PGLYRP3: variants seen among roughly 807,000 people sequenced by gnomAD.
PGLYRP3 encodes peptidoglycan recognition protein 3, also known as peptidoglycan recognition protein I alpha.
PGLYRP3 carries 39 observed loss-of-function variants against 36.0 expected under a neutral mutation model. That is an observed-to-expected ratio of 1.08 (90% CI 0.84 to 1.41). The LOEUF is 1.41. PGLYRP3 is among the 40% of genes most tolerant of loss of function. The probability of loss-of-function intolerance (pLI) is 0.00; values close to 1 mark genes in which losing one functional copy is unlikely to be tolerated. For synonymous variants in PGLYRP3, 204 were observed against 172.8 expected (o/e 1.18, Z -1.42); for missense variants, 407 against 427.9 (o/e 0.95, Z 0.43).
At position 153,307,234 on chromosome 1, in the gene PGLYRP3, C is replaced by T. The variant is rs779510247; in HGVS notation, c.89G>A (p.Gly30Glu). 1.7e-5 allele frequency: 28 copies of T among 1,609,336 alleles called. No homozygotes were observed. The highest frequency in any genetic ancestry group is 1.7e-5 in the Admixed American group (1 of 59,440). Residue 30 changes from glycine (G) to glutamate (E), a missense_variant, in exon 3 of 8, where the codon GGG (glycine) becomes GAG (glutamate). By Grantham distance (98) the Gly-to-Glu change is moderately conservative. Coordinates refer to ENST00000683862, the MANE Select transcript of PGLYRP3 (RefSeq NM_052891.3). ...GGCCCTGCAGGCGAGCGGTCTTGCC[C>T]CCCACTCCTTGCGGGAGACGATGGT... ...TPTIVSRKEWGARPLACRALL... is the reference protein window; with the variant it reads ...TPTIVSRKEWEARPLACRALL...
At chr1:153,307,368 C>T (rs1659771355) in intron 2 of PGLYRP3, 101 bp from the exon 3 acceptor site, 1 of 1,163,822 alleles carries the variant, frequency 8.6e-7, no homozygotes, top group East Asian at 2.6e-5. Context: ...CCCGACCTGC[C>T]CCATGCATGG....
chr1:153,310,676 G>T lies in PGLYRP3; in HGVS notation c.-11C>A. ...TGGCAGCGTCCCCATGTGGTCCCAG[G>T]ACTCTGACCGGGAGAGTGTGGACGG... On this transcript the variant is annotated 5_prime_UTR_variant, in exon 2 of 8. Transcript: ENST00000683862. 6.2e-7 allele frequency: 1 copy of T among 1,613,800 alleles called. No individual in the cohort carries two copies. Among genetic ancestry groups the T allele is most frequent in the Non-Finnish European group, 8.5e-7 (1 of 1,179,748 alleles).
intron 1 of PGLYRP3, among the ~76,000 whole-genome samples, 173 bp downstream of exon 1, chr1:153,312,470 T>G (rs936678846): frequency 6.6e-6 from 1 of 151,968 alleles, no homozygotes; most frequent in African/African-American, 2.4e-5. Context: ...TTAGAAGAAT[T>G]TAGAATGAAG....
chr1:153,297,773 G>A lies in PGLYRP3; in HGVS notation c.*183C>T. ...AACTCAGACCAAGAGGGCTGTGAATGCCCAGCTGTGAGGTTTGGGGGCTCC... is the reference window on the plus strand; with the variant it reads ...AACTCAGACCAAGAGGGCTGTGAATACCCAGCTGTGAGGTTTGGGGGCTCC... On this transcript the variant is annotated 3_prime_UTR_variant, in exon 8 of 8. Coordinates refer to ENST00000683862, the MANE Select transcript of PGLYRP3 (RefSeq NM_052891.3). The A allele has an allele frequency of 1.6e-6, 1 of 631,356 alleles. No individual in the cohort carries two copies. Among genetic ancestry groups the A allele is most frequent in the Non-Finnish European group, 2.7e-6 (1 of 372,276 alleles). The allele number at this position is 631,356 out of a possible 1,614,324, so 39.1% of individuals were successfully genotyped here. A position where few individuals can be genotyped will look rare whatever the true frequency, so the allele number is the denominator to read the frequency against.
intron 6 of PGLYRP3, among the ~76,000 whole-genome samples, chr1:153,301,514 A>T (rs547916629): frequency 5.6e-4 from 85 of 152,358 alleles, no homozygotes; most frequent in Admixed American, 4.2e-3. Context: ...GGCATTTTCC[A>T]TGTGGAATTT....
rs761479671 is a variant in PGLYRP3 at position 153,302,535 on chromosome 1, G to T, written c.602C>A (p.Ala201Asp). The T allele has an allele frequency of 3.1e-6, 5 of 1,614,086 alleles. No individual in the cohort carries two copies. The highest frequency in any genetic ancestry group is 2.2e-5 in the East Asian group (1 of 44,898). Residue 201 changes from alanine (A) to aspartate (D), a missense_variant, in exon 6 of 8, where the codon GCC becomes GAC. By Grantham distance (126) the Ala-to-Asp change is moderately radical. Coordinates refer to ENST00000683862, the MANE Select transcript of PGLYRP3 (RefSeq NM_052891.3). ...ETHCPKMNLPAKYVIIIHTAG... is the reference protein window; with the variant it reads ...ETHCPKMNLPDKYVIIIHTAG... ...GGTGTGGATGATGATGACATATTTG[G>T]CTGGGAGGTTCATTTTAGGGCAGTG... is the stretch of plus-strand genomic sequence containing the variant.
chr1:153,310,496 G>T, intron 2 of PGLYRP3, 115 bp downstream of exon 2: 2 of 1,089,108 alleles, frequency 1.8e-6, no homozygotes, highest in East Asian at 2.4e-5. Context: ...AAATTGCAAA[G>T]CTACACTATC....
Position 153,299,116 on chromosome 1 carries a change from C to A in PGLYRP3, c.844G>T (p.Val282Leu), listed in dbSNP as rs775644628. 1 of 1,613,806 alleles carries A rather than the reference C, an allele frequency of 6.2e-7. No homozygotes were observed. Among genetic ancestry groups the A allele is most frequent in the East Asian group, 2.2e-5 (1 of 44,888 alleles). Residue 282 changes from valine (V) to leucine (L), a missense_variant, in exon 7 of 8, where the codon GTA (valine) becomes TTA (leucine). By Grantham distance (32) the Val-to-Leu change is conservative. Transcript: ENST00000683862. ...CTACCCCATGCTCACCCCTTACCTACAAAGTAGCCGATGAAGGCAATTCCT... is the reference window on the plus strand; with the variant it reads ...CTACCCCATGCTCACCCCTTACCTAAAAAGTAGCCGATGAAGGCAATTCCT... ...ALGIAFIGYF[V>L]EKPPNAAALE...
rs201770309 is a variant in PGLYRP3, at chr1:153,307,072, G to T, written c.251C>A (p.Ala84Glu). The T allele has an allele frequency of 3.7e-6, 6 of 1,613,374 alleles. No homozygotes were observed. The highest frequency in any genetic ancestry group is 5.1e-6 in the Non-Finnish European group (6 of 1,179,760). ...GACTTGGCTAGCCTCTTACTTGTAC[G>T]CCACGTCGCACCAGCCTATGGTGTA... ...SVYTIGWCDV[A>E]YNFLVGDDGR... is the part of the protein sequence containing the mutation. The change falls in exon 3 of 8, where the codon GCG (alanine) becomes GAG (glutamate). Residue 84 changes from alanine to glutamate, a missense_variant. Coordinates refer to ENST00000683862, the MANE Select transcript of PGLYRP3 (RefSeq NM_052891.3).
In PGLYRP3 at chr1:153,310,704, G is replaced by T; in HGVS notation, c.-39C>A. The T allele has an allele frequency of 5.0e-6, 8 of 1,585,884 alleles. No individual in the cohort carries two copies. The highest frequency in any genetic ancestry group is 6.9e-6 in the Non-Finnish European group (8 of 1,155,610). On this transcript the variant is annotated splice_region_variant and 5_prime_UTR_variant, in exon 2 of 8. It adds an upstream start codon to the 5' untranslated region. Transcript: ENST00000683862. ...TCTGACCGGGAGAGTGTGGACGGCAGCCCTGGAAGAGAGGCTAACAGTTAA... is the reference window on the plus strand; with the variant it reads ...TCTGACCGGGAGAGTGTGGACGGCATCCCTGGAAGAGAGGCTAACAGTTAA...
chr1:153,307,362 A>T, intron 2 of PGLYRP3, 95 bp from the exon 3 acceptor site: 1 of 1,230,932 alleles, frequency 8.1e-7, no homozygotes, highest in Non-Finnish European at 1.1e-6. Context: ...CTCAGGCCCG[A>T]CCTGCCCCAT....
At chr1:153,298,500 A>G (rs1398263493) in intron 7 of PGLYRP3, among the ~76,000 whole-genome samples, 1 of 152,086 alleles carries the variant, frequency 6.6e-6, no homozygotes, top group East Asian at 1.9e-4. Flanking sequence ...TAAAAATACA[A>G]AAAAATTAGC....
intron 1 of PGLYRP3, among the ~76,000 whole-genome samples, chr1:153,311,258 G>A (rs751083421): frequency 2.0e-5 from 3 of 152,136 alleles, no homozygotes; most frequent in Non-Finnish European, 2.9e-5. Flanking sequence ...TCTTTAGTGA[G>A]AATCATAATA....
Position 153,310,711 on chromosome 1 carries a change from A to T in PGLYRP3, c.-41-5T>A. 1 of 1,548,372 alleles carries T rather than the reference A, an allele frequency of 6.5e-7. No homozygotes were observed. Among genetic ancestry groups the T allele is most frequent in the South Asian group, 1.1e-5 (1 of 89,632 alleles). ...GGGAGAGTGTGGACGGCAGCCCTGG[A>T]AGAGAGGCTAACAGTTAACACAACC... On this transcript the variant is annotated splice_region_variant and splice_polypyrimidine_tract_variant and intron_variant, in intron 1 of 7. Coordinates refer to ENST00000683862, the MANE Select transcript of PGLYRP3 (RefSeq NM_052891.3).
rs2101523010 is a variant in PGLYRP3 at position 153,307,170 on chromosome 1, C to T, written c.153G>A (p.Gln51=). 6.2e-7 allele frequency: 1 copy of T among 1,612,038 alleles called. No individual in the cohort carries two copies. The highest frequency in any genetic ancestry group is 2.2e-5 in the East Asian group (1 of 44,836). Reference sequence around the variant, plus strand: ...GCTGCTGGCACTGCATCCCTGGGAGCTGGTCTGTGATGATGTAGGCCACAG... The same window carrying T: ...GCTGCTGGCACTGCATCCCTGGGAGTTGGTCTGTGATGATGTAGGCCACAG... The part of the protein sequence containing the change: ...TLPVAYIITD[Q]LPGMQCQQQS... Residue 51 remains glutamine (Q), a synonymous_variant, in exon 3 of 8, where the codon CAG becomes CAA. Coordinates refer to ENST00000683862, the MANE Select transcript of PGLYRP3 (RefSeq NM_052891.3).
At chr1:153,305,086 AT>A (rs1659706244) in intron 3 of PGLYRP3, 21 bp from the exon 4 acceptor site, 1 of 1,584,996 alleles carries the variant, frequency 6.3e-7, no homozygotes, top group Non-Finnish European at 8.6e-7. Flanking sequence ...GGAAATAATG[AT>A]TTTACTGCAA....
At chr1:153,299,415 T>C (rs1186542023) in intron 6 of PGLYRP3, among the ~76,000 whole-genome samples, 184 bp from the exon 7 acceptor site, 1 of 152,170 alleles carries the variant, frequency 6.6e-6, no homozygotes, top group Non-Finnish European at 1.5e-5. Context: ...CACAGTCCAC[T>C]TCAACCTGGC....
intron 6 of PGLYRP3, among the ~76,000 whole-genome samples, chr1:153,302,005 TAGC>T (rs1289042515): frequency 6.6e-6 from 1 of 152,198 alleles, no homozygotes; most frequent in Non-Finnish European, 1.5e-5. Flanking sequence ...ACCAGAGGAA[TAGC>T]AGGATTCTAA....
intron 2 of PGLYRP3, 53 bp downstream of exon 2, chr1:153,310,558 C>G (rs201683514): frequency 6.4e-7 from 1 of 1,560,938 alleles, no homozygotes; most frequent in African/African-American, 1.4e-5. Flanking sequence ...AACTTGAGAA[C>G]GGTCTTCTCT....
Sources: allele counts gnomAD v4.1 joint callset (sites outside exome capture counted in the v4.1 genomes callset), GRCh38; gene constraint gnomAD v4.1.1; transcripts MANE v1.5; gene names NCBI Gene and HGNC (gene_info 2026-07-23, HGNC 2026-07-21).